The following PPDPF variants were observed in gnomAD, a reference collection of about 807,000 sequenced individuals.
PPDPF encodes the protein pancreatic progenitor cell differentiation and proliferation factor.
In PPDPF, 11 loss-of-function variants were observed where a neutral mutation model predicts 6.3. The ratio of observed to expected loss-of-function variants is 1.76; its 90% CI spans 1.11 to 2.91. PPDPF has a LOEUF of 2.91. Ranked by LOEUF, PPDPF falls within the 30% of genes most tolerant of loss-of-function variation. The probability of loss-of-function intolerance (pLI) is 0.00; values close to 1 mark genes in which losing one functional copy is unlikely to be tolerated. For synonymous variants in PPDPF, 86 were observed against 64.5 expected, an observed-to-expected ratio of 1.33 and a Z score of -1.60; for missense variants, 202 against 159.4, an observed-to-expected ratio of 1.27 and a Z score of -1.44.
At chr20:63,521,192 A>T (rs992045118) in intron 1 of PPDPF, 92 bp from the exon 2 acceptor site, 2 of 1,213,590 alleles carry the variant, frequency 1.6e-6, no homozygotes, top group African/African-American at 1.6e-5. Flanking sequence ...CCGCCTCGGT[A>T]AATAACCCAG....
At position 63,520,902 on chromosome 20, in the gene PPDPF, G is replaced by GAT; in HGVS notation, c.-26+8_-26+9insAT. The GAT allele has an allele frequency of 1.0e-6, 1 of 1,000,058 alleles. No individual in the cohort carries two copies. 61.9% of individuals were successfully genotyped at this position (1,000,058 alleles called of 1,614,324 possible). ...CGAGGGGTCGCCGCCCAGGTGAGGG[G>GAT]CGCCGCGCGCGGGTGGGACGAGCAG... On this transcript the variant is annotated intron_variant, in intron 1 of 3. Transcript: ENST00000370179.
Position 63,521,939 on chromosome 20 carries a change from C to A in PPDPF, c.*60C>A. ...GGCGCTAGTCCACCAGAGCCCCTCC[C>A]CGCCCCTCTCCCCACTCCGCATCCC... On this transcript the variant is annotated 3_prime_UTR_variant, in exon 4 of 4. Coordinates refer to ENST00000370179, the MANE Select transcript of PPDPF (RefSeq NM_024299.4). 7.5e-7 allele frequency: 1 copy of A among 1,326,476 alleles called. No individual in the cohort carries two copies. The highest frequency in any genetic ancestry group is 1.0e-6 in the Non-Finnish European group (1 of 967,892). The allele number at this position is 1,326,476 out of a possible 1,614,324, so 82.2% of individuals were successfully genotyped here.
chr20:63,521,389 C>T (rs1166016323), intron 2 of PPDPF, 26 bp downstream of exon 2: 3 of 1,604,080 alleles, frequency 1.9e-6, no homozygotes, highest in Non-Finnish European at 2.6e-6. Flanking sequence ...CCCCCATCCA[C>T]GCGGATGCTC....
rs1417215701 is a variant in PPDPF at position 63,520,785 on chromosome 20, T to G, written c.-135T>G. The G allele has an allele frequency of 5.1e-6, 5 of 974,426 alleles. No homozygotes were observed. The highest frequency in any genetic ancestry group is 4.7e-5 in the South Asian group (1 of 21,262). 60.4% of individuals were successfully genotyped at this position (974,426 alleles called of 1,614,324 possible). A position where few individuals can be genotyped will look rare whatever the true frequency, so the allele number is the denominator to read the frequency against. Reference sequence around the variant, plus strand: ...TGCGCACCCCGCGCGCGCCTCTCTGTCGTGGCGCGGCTTCCCGCGGTCTTC... The same window carrying G: ...TGCGCACCCCGCGCGCGCCTCTCTGGCGTGGCGCGGCTTCCCGCGGTCTTC... On this transcript the variant is annotated 5_prime_UTR_variant, in exon 1 of 4. Transcript: ENST00000370179.
Position 63,520,963 on chromosome 20 carries a change from CG to C in PPDPF, c.-26+74del, listed in dbSNP as rs535766435. The C allele has an allele frequency of 1.8e-3, 1,784 of 991,492 alleles. 29 individuals are homozygous for C. The African/African-American group carries it at 0.029, about 16-fold the overall frequency. 61.4% of individuals were successfully genotyped at this position (991,492 alleles called of 1,614,324 possible). On this transcript the variant is annotated intron_variant, in intron 1 of 3. Coordinates refer to ENST00000370179, the MANE Select transcript of PPDPF (RefSeq NM_024299.4). Reference sequence around the variant, plus strand: ...CGGGGGGCGAGGGGCGGGGCTGGGCCGGGGGCTCCTCTCCTCTCCGCCTGGC... The same window carrying C: ...CGGGGGGCGAGGGGCGGGGCTGGGCCGGGGCTCCTCTCCTCTCCGCCTGGC...
At chr20:63,521,162 G>A (rs894554264) in intron 1 of PPDPF, 122 bp from the exon 2 acceptor site, 1 of 1,008,488 alleles carries the variant, frequency 9.9e-7, no homozygotes, top group Non-Finnish European at 1.4e-6. Flanking sequence ...GGCGAAGGCG[G>A]TGCCGGGAGC....
At position 63,521,767 on chromosome 20, in the gene PPDPF, C is replaced by T. The variant is rs759954043; in HGVS notation, c.233C>T (p.Ser78Leu). 9 of 1,612,766 alleles carry T rather than the reference C, an allele frequency of 5.6e-6. No homozygotes were observed. The highest frequency in any genetic ancestry group is 4.5e-5 in the East Asian group (2 of 44,862). ...MATVLESAEHSEPPQASSSMT... is the reference protein window; with the variant it reads ...MATVLESAEHLEPPQASSSMT... ...ACGGTGTTGGAGTCCGCAGAGCACT[C>T]GGAACCTCCCCAGGCCTCCAGCAGC... Residue 78 changes from serine (S) to leucine (L), a missense_variant, in exon 4 of 4, where the codon TCG becomes TTG. By Grantham distance (145) the Ser-to-Leu change is moderately radical. Transcript: ENST00000370179.
chr20:63,520,760 TGCGCACCCCGCGCGC>T (rs554980308), exon 1 of PPDPF: 1 of 983,952 alleles, frequency 1.0e-6, no homozygotes, highest in Non-Finnish European at 1.2e-6. Flanking sequence ...CGTCCGCGCG[TGCGCACCCCGCGCGC>T]GCCTCTCTGT....
At chr20:63,521,129 T>G (rs1036991468) in intron 1 of PPDPF, among the ~76,000 whole-genome samples, 155 bp from the exon 2 acceptor site, 12 of 151,854 alleles carry the variant, frequency 7.9e-5, no homozygotes, top group Non-Finnish European at 1.5e-4. Context: ...TTTGGGCTGG[T>G]TGGAGCCGCC....
Position 63,521,859 on chromosome 20 carries a change from A to T in PPDPF, c.325A>T (p.Ser109Cys). The T allele has an allele frequency of 6.3e-7, 1 of 1,597,612 alleles. No individual in the cohort carries two copies. The highest frequency in any genetic ancestry group is 8.5e-7 in the Non-Finnish European group (1 of 1,173,172). The change falls in exon 4 of 4, where the codon AGC (serine) becomes TGC (cysteine). Residue 109 changes from serine to cysteine, a missense_variant. By Grantham distance (112) the Ser-to-Cys change is moderately radical (BLOSUM62 -1). Coordinates refer to ENST00000370179, the MANE Select transcript of PPDPF (RefSeq NM_024299.4). ...KQPGGQSSTA[S>C]AGPPS ...GCCCGGCGGTCAGTCCAGCACAGCC[A>T]GCGCTGGGCCCCCGTCCTGACCTGA... is the stretch of plus-strand genomic sequence containing the variant.
rs1333730532 is a variant in PPDPF at position 63,520,861 on chromosome 20, C to G, written c.-59C>G. ...CGCCCCCGTCCCCGCCACCCGTGAT[C>G]GTGCGCCGAGGCCCGCGAGGGGTCG... is the stretch of plus-strand genomic sequence containing the variant. On this transcript the variant is annotated 5_prime_UTR_variant, in exon 1 of 4. In the 5' UTR this introduces an upstream ATG that the reference lacks. Transcript: ENST00000370179. 4 of 989,538 alleles carry G rather than the reference C, an allele frequency of 4.0e-6. No individual in the cohort carries two copies. Among genetic ancestry groups the G allele is most frequent in the South Asian group, 4.7e-5 (1 of 21,356 alleles). The allele number at this position is 989,538 out of a possible 1,614,324, so 61.3% of individuals were successfully genotyped here. A position where few individuals can be genotyped will look rare whatever the true frequency, so the allele number is the denominator to read the frequency against.
In PPDPF at chr20:63,521,521, G is replaced by T. The variant is rs766293005; in HGVS notation, c.65G>T (p.Gly22Val). 6.3e-7 allele frequency: 1 copy of T among 1,580,370 alleles called. No individual in the cohort carries two copies. Among genetic ancestry groups the T allele is most frequent in the Non-Finnish European group, 8.6e-7 (1 of 1,161,890 alleles). The part of the protein sequence containing the change: ...ATHDYYRRRL[G>V]STSSNSSCSS... ...GACCTCTCCTCTCCAGGCCGCCTGG[G>T]TTCCACTTCCAGCAACAGCTCCTGC... Residue 22 changes from glycine to valine, a missense_variant, in exon 3 of 4, where the codon GGT becomes GTT. Coordinates refer to ENST00000370179, the MANE Select transcript of PPDPF (RefSeq NM_024299.4).
chr20:63,521,548 G>A lies in PPDPF; in HGVS notation c.92G>A (p.Ser31Asn), dbSNP rs1167281675. The A allele has an allele frequency of 6.2e-7, 1 of 1,601,194 alleles. No individual in the cohort carries two copies. The highest frequency in any genetic ancestry group is 8.5e-7 in the Non-Finnish European group (1 of 1,173,448). Residue 31 changes from serine to asparagine, a missense_variant, in exon 3 of 4, where the codon AGC becomes AAC. Coordinates refer to ENST00000370179, the MANE Select transcript of PPDPF (RefSeq NM_024299.4). ...TCCACTTCCAGCAACAGCTCCTGCAGCAGTACCGAGTGCCCCGGGGAAGCC... is the reference window on the plus strand; with the variant it reads ...TCCACTTCCAGCAACAGCTCCTGCAACAGTACCGAGTGCCCCGGGGAAGCC... ...LGSTSSNSSC[S>N]STECPGEAIP... is the part of the protein sequence containing the mutation.
In PPDPF at chr20:63,520,866, G is replaced by A; in HGVS notation, c.-54G>A. 3 of 990,096 alleles carry A rather than the reference G, an allele frequency of 3.0e-6. No individual in the cohort carries two copies. The highest frequency in any genetic ancestry group is 3.6e-6 in the Non-Finnish European group (3 of 833,504). 61.3% of individuals were successfully genotyped at this position (990,096 alleles called of 1,614,324 possible). A position where few individuals can be genotyped will look rare whatever the true frequency, so the allele number is the denominator to read the frequency against. Reference sequence around the variant, plus strand: ...CCGTCCCCGCCACCCGTGATCGTGCGCCGAGGCCCGCGAGGGGTCGCCGCC... The same window carrying A: ...CCGTCCCCGCCACCCGTGATCGTGCACCGAGGCCCGCGAGGGGTCGCCGCC... On this transcript the variant is annotated 5_prime_UTR_variant, in exon 1 of 4. Transcript: ENST00000370179.
At position 63,520,865 on chromosome 20, in the gene PPDPF, C is replaced by G. The variant is rs1167532263; in HGVS notation, c.-55C>G. The G allele has an allele frequency of 1.0e-6, 1 of 990,032 alleles. No individual in the cohort carries two copies. The highest frequency in any genetic ancestry group is 1.2e-6 in the Non-Finnish European group (1 of 833,538). The allele number at this position is 990,032 out of a possible 1,614,324, so 61.3% of individuals were successfully genotyped here. On this transcript the variant is annotated 5_prime_UTR_variant, in exon 1 of 4. Coordinates refer to ENST00000370179, the MANE Select transcript of PPDPF (RefSeq NM_024299.4). ...CCCGTCCCCGCCACCCGTGATCGTG[C>G]GCCGAGGCCCGCGAGGGGTCGCCGC...
chr20:63,522,100 G>A lies in PPDPF; in HGVS notation c.*221G>A, dbSNP rs1177741972. The A allele has an allele frequency of 3.3e-6, 2 of 602,374 alleles. No individual in the cohort carries two copies. The highest frequency in any genetic ancestry group is 6.1e-6 in the Non-Finnish European group (2 of 329,228). The allele number at this position is 602,374 out of a possible 1,614,324, so 37.3% of individuals were successfully genotyped here. A position where few individuals can be genotyped will look rare whatever the true frequency, so the allele number is the denominator to read the frequency against. On this transcript the variant is annotated 3_prime_UTR_variant, in exon 4 of 4. Coordinates refer to ENST00000370179, the MANE Select transcript of PPDPF (RefSeq NM_024299.4). ...TACCGCCCGGCCCCAGCACTCGCTA[G>A]CTTTCCTGACACCTGGAACTGTGCA...
chr20:63,520,759 G>C (rs1036075670), upstream of PPDPF: 9 of 984,744 alleles, frequency 9.1e-6, no homozygotes, highest in Non-Finnish European at 1.1e-5. Context: ...GCGTCCGCGC[G>C]TGCGCACCCC....
chr20:63,521,954 C>A lies in PPDPF; in HGVS notation c.*75C>A. On this transcript the variant is annotated 3_prime_UTR_variant, in exon 4 of 4. Coordinates refer to ENST00000370179, the MANE Select transcript of PPDPF (RefSeq NM_024299.4). Reference sequence around the variant, plus strand: ...GAGCCCCTCCCCGCCCCTCTCCCCACTCCGCATCCCTCGCCCCCCTCCCCA... The same window carrying A: ...GAGCCCCTCCCCGCCCCTCTCCCCAATCCGCATCCCTCGCCCCCCTCCCCA... The A allele has an allele frequency of 8.8e-7, 1 of 1,138,780 alleles. No individual in the cohort carries two copies. Among genetic ancestry groups the A allele is most frequent in the Non-Finnish European group, 1.2e-6 (1 of 814,656 alleles). 70.5% of individuals were successfully genotyped at this position (1,138,780 alleles called of 1,614,324 possible). A position where few individuals can be genotyped will look rare whatever the true frequency, so the allele number is the denominator to read the frequency against.
chr20:63,521,221 TG>T, intron 1 of PPDPF, 62 bp from the exon 2 acceptor site: 1 of 1,413,730 alleles, frequency 7.1e-7, no homozygotes, highest in Non-Finnish European at 9.5e-7. Context: ...CTCCACCCGC[TG>T]GGGAGCGCCC....
Sources: gnomAD v4.1 joint callset for allele counts (sites outside exome capture counted in the v4.1 genomes callset) on GRCh38, gnomAD v4.1.1 for gene constraint, MANE v1.5 for transcripts, NCBI Gene and HGNC (gene_info 2026-07-23, HGNC 2026-07-21) for gene names.